Variants in ADGRL2 observed in about 807,000 individuals in gnomAD.
ADGRL2 encodes the protein adhesion G protein-coupled receptor L2, also known as calcium-independent alpha-latrotoxin receptor 2.
Under a neutral mutation model 157.4 loss-of-function variants are expected in ADGRL2, and 44 were observed. That is an observed-to-expected ratio of 0.28 (90% CI 0.22 to 0.36). ADGRL2 has a LOEUF of 0.36. ADGRL2 is among the 10% of genes least tolerant of loss of function. ADGRL2 has a pLI of 1.00. For synonymous variants in ADGRL2, 585 were observed against 624.7 expected, an observed-to-expected ratio of 0.94 and a Z score of 0.95; for missense variants, 1,510 against 1,768.9, an observed-to-expected ratio of 0.85 and a Z score of 2.63.
At chr1:81,320,768 CAG>C (rs1209156805) in intron 1 of ADGRL2, among the ~76,000 whole-genome samples, 2 of 152,268 alleles carry the variant, frequency 1.3e-5, no homozygotes, top group East Asian at 3.9e-4. Context: ...AGGGCACAGA[CAG>C]AGTAGATTTA....
intron 1 of ADGRL2, among the ~76,000 whole-genome samples, chr1:81,435,711 CA>C (rs1570960922): frequency 1.3e-5 from 2 of 152,122 alleles, no homozygotes; most frequent in South Asian, 2.1e-4. Flanking sequence ...CCTTGCTTTG[CA>C]AAAACTGTTG....
chr1:81,889,131 G>T (rs1240568009), intron 2 of ADGRL2, among the ~76,000 whole-genome samples: 1 of 151,984 alleles, frequency 6.6e-6, no homozygotes, highest in Admixed American at 6.6e-5. Flanking sequence ...TCCTACAACG[G>T]CCTATATATG....
At chr1:81,934,486 T>C (rs1386408770) in intron 3 of ADGRL2, among the ~76,000 whole-genome samples, 3 of 148,974 alleles carry the variant, frequency 2.0e-5, no homozygotes, top group East Asian at 3.9e-4. Flanking sequence ...TTTGAAAAAT[T>C]ATATATATAT....
intron 3 of ADGRL2, among the ~76,000 whole-genome samples, chr1:81,602,128 T>A (rs534132537): frequency 4.7e-5 from 7 of 149,914 alleles, no homozygotes; most frequent in Non-Finnish European, 8.9e-5. Flanking sequence ...CAAAAAAAAA[T>A]TAAAACACAT....
intron 3 of ADGRL2, among the ~76,000 whole-genome samples, chr1:81,631,882 G>T (rs552164745): frequency 6.6e-6 from 1 of 151,994 alleles, no homozygotes; most frequent in Non-Finnish European, 1.5e-5. Context: ...AATTTGGAAC[G>T]TTTTCCTTGA....
chr1:81,779,694 T>G (rs2086736840), intron 2 of ADGRL2, among the ~76,000 whole-genome samples: 1 of 152,180 alleles, frequency 6.6e-6, no homozygotes, highest in South Asian at 2.1e-4. Flanking sequence ...TCCTCCCCAT[T>G]TTCTTGCTCA....
At chr1:81,854,463 A>G (rs929116989) in intron 2 of ADGRL2, among the ~76,000 whole-genome samples, 3 of 152,196 alleles carry the variant, frequency 2.0e-5, no homozygotes, top group Non-Finnish European at 4.4e-5. Context: ...CTCATCAGCT[A>G]TGTGAACCTG....
chr1:81,742,391 A>T (rs1557611836), intron 1 of ADGRL2, among the ~76,000 whole-genome samples: 1 of 152,040 alleles, frequency 6.6e-6, no homozygotes, highest in Non-Finnish European at 1.5e-5. Context: ...AGTGGAAAAA[A>T]GAGAAAAGGA....
At chr1:81,707,861 G>T (rs2083790369) in intron 1 of ADGRL2, among the ~76,000 whole-genome samples, 1 of 152,072 alleles carries the variant, frequency 6.6e-6, no homozygotes, top group Non-Finnish European at 1.5e-5. Context: ...TATCTAGCTT[G>T]CTGGAAGAGA....
At chr1:81,631,199 C>A (rs993350568) in intron 3 of ADGRL2, among the ~76,000 whole-genome samples, 1 of 151,918 alleles carries the variant, frequency 6.6e-6, no homozygotes. Context: ...AACCAACCGA[C>A]CTTCTTTTCT....
chr1:81,783,882 T>C (rs1420034516), intron 2 of ADGRL2, among the ~76,000 whole-genome samples: 1 of 152,198 alleles, frequency 6.6e-6, no homozygotes, highest in African/African-American at 2.4e-5. Context: ...ATAGCAAATA[T>C]TGGAAGAGTT....
At chr1:81,591,904 G>T (rs2081141384) in intron 3 of ADGRL2, among the ~76,000 whole-genome samples, 1 of 152,110 alleles carries the variant, frequency 6.6e-6, no homozygotes, top group Non-Finnish European at 1.5e-5. Flanking sequence ...GCCTTAGATG[G>T]TACCCAGATA....
At chr1:81,688,978 C>T (rs190546321) in intron 3 of ADGRL2, among the ~76,000 whole-genome samples, 2 of 152,258 alleles carry the variant, frequency 1.3e-5, no homozygotes, top group Admixed American at 6.5e-5. Flanking sequence ...CCCAGCTCCA[C>T]GCTGGTACTG....
rs3046460 is a variant in ADGRL2, at chr1:81,905,947, AGTGTGTGTGTGTGT to A, written c.74-1043_74-1030del. On this transcript the variant is annotated intron_variant, in intron 2 of 23. Coordinates refer to ENST00000686636, the MANE Select transcript of ADGRL2 (RefSeq NM_001366006.2). The stretch of plus-strand genomic sequence containing the variant: ...GGTCAGGAGATGGAGAAAAAAGCAG[AGTGTGTGTGTGTGT>A]GTGTGTGTGTGTGTGTGTGTGTGTG... Among the ~76,000 whole-genome samples the A allele has an allele frequency of 8.2e-3, 1,180 of 144,578 alleles. 32 individuals are homozygous for A. Among genetic ancestry groups the A allele is most frequent in the East Asian group, 0.027 (133 of 4,896 alleles). The allele number at this position is 144,578 out of a possible 152,430, so 94.8% of individuals were successfully genotyped here.
chr1:81,982,290 C>T (rs1170417783), intron 19 of ADGRL2, among the ~76,000 whole-genome samples: 1 of 151,950 alleles, frequency 6.6e-6, no homozygotes, highest in East Asian at 1.9e-4. Flanking sequence ...AAATAAAACT[C>T]ATTCTTTGCT....
intron 2 of ADGRL2, among the ~76,000 whole-genome samples, chr1:81,455,704 A>T (rs1038282723): frequency 4.6e-5 from 7 of 152,232 alleles, no homozygotes; most frequent in Non-Finnish European, 1.0e-4. Flanking sequence ...TCTGTTTCTT[A>T]GCAGGATTCG....
At chr1:81,511,203 T>C (rs1347137839) in intron 2 of ADGRL2, among the ~76,000 whole-genome samples, 2 of 151,790 alleles carry the variant, frequency 1.3e-5, no homozygotes, top group African/African-American at 4.8e-5. Context: ...AAAATCCTTC[T>C]AAAACCGGTA....
chr1:81,987,396 T>A (rs751033805), intron 22 of ADGRL2: 1 of 1,171,826 alleles, frequency 8.5e-7, no homozygotes, highest in Admixed American at 1.7e-5. Flanking sequence ...GCTGACAAAA[T>A]TTGCTTCTGG....
At chr1:81,746,847 C>T (rs1438964680) in intron 1 of ADGRL2, among the ~76,000 whole-genome samples, 2 of 132,664 alleles carry the variant, frequency 1.5e-5, no homozygotes, top group Non-Finnish European at 3.2e-5. Flanking sequence ...CATGTATATA[C>T]ACACGTGCAC....
Sources: allele counts gnomAD v4.1 joint callset (sites outside exome capture counted in the v4.1 genomes callset), GRCh38; gene constraint gnomAD v4.1.1; transcripts MANE v1.5; gene names NCBI Gene and HGNC (gene_info 2026-07-23, HGNC 2026-07-21).